The following ADGRL2 variants were observed in gnomAD, a reference collection of about 807,000 sequenced individuals.
ADGRL2 encodes the protein calcium-independent alpha-latrotoxin receptor 2.
In ADGRL2, 44 loss-of-function variants were observed where a neutral mutation model predicts 157.4. That is an observed-to-expected ratio of 0.28 (90% CI 0.22 to 0.36). ADGRL2 has a LOEUF of 0.36. Among genes scored for constraint, ADGRL2 ranks in the 10% least tolerant of loss-of-function variants. ADGRL2 has a pLI of 1.00. For missense variants in ADGRL2, 1,510 were observed against 1,768.9 expected (o/e 0.85, Z 2.63); for synonymous variants, 585 against 624.7 (o/e 0.94, Z 0.95).
At chr1:81,845,318 A>G (rs1410325765) in intron 2 of ADGRL2, among the ~76,000 whole-genome samples, 1 of 152,022 alleles carries the variant, frequency 6.6e-6, no homozygotes, top group Non-Finnish European at 1.5e-5. Flanking sequence ...TATCTATATA[A>G]TTATTTTTCC....
chr1:81,768,323 G>A (rs1279044349), intron 2 of ADGRL2, among the ~76,000 whole-genome samples: 2 of 152,074 alleles, frequency 1.3e-5, no homozygotes, highest in African/African-American at 2.4e-5. Flanking sequence ...TTATAGGTGT[G>A]AGCTACTGCA....
intron 3 of ADGRL2, among the ~76,000 whole-genome samples, chr1:81,630,749 G>A (rs2148753775): frequency 6.6e-6 from 1 of 152,222 alleles, no homozygotes; most frequent in Middle Eastern, 3.4e-3. Flanking sequence ...TAGGCTACAA[G>A]TTTAAAGTTT....
At chr1:81,814,271 G>A (rs1338792904) in intron 1 of ADGRL2, among the ~76,000 whole-genome samples, 1 of 151,506 alleles carries the variant, frequency 6.6e-6, no homozygotes, top group African/African-American at 2.4e-5. Flanking sequence ...GCATAGATGT[G>A]TATATATTAA....
chr1:81,561,174 T>C (rs2080431636), intron 2 of ADGRL2, among the ~76,000 whole-genome samples: 1 of 151,988 alleles, frequency 6.6e-6, no homozygotes, highest in Non-Finnish European at 1.5e-5. Context: ...ACTTGGCTCA[T>C]TTCACCTTCT....
intron 1 of ADGRL2, among the ~76,000 whole-genome samples, chr1:81,825,649 C>A (rs1266168168): frequency 8.4e-6 from 1 of 118,678 alleles, no homozygotes; most frequent in East Asian, 2.1e-4. Flanking sequence ...CTGGCCAGAC[C>A]CTGTCTCCAA....
chr1:81,505,175 T>G (rs1015584576), intron 2 of ADGRL2: 250 of 508,538 alleles, frequency 4.9e-4, no homozygotes, highest in African/African-American at 4.7e-3. Context: ...CTCTCAGCCC[T>G]CCACACACGC....
At chr1:81,390,568 C>T (rs1295982437) in intron 1 of ADGRL2, among the ~76,000 whole-genome samples, 2 of 152,306 alleles carry the variant, frequency 1.3e-5, no homozygotes, top group African/African-American at 2.4e-5. Context: ...ACAGTAAATG[C>T]CCTCCCTCCT....
At chr1:81,520,011 T>G (rs2079274760) in intron 2 of ADGRL2, among the ~76,000 whole-genome samples, 1 of 152,228 alleles carries the variant, frequency 6.6e-6, no homozygotes, top group Non-Finnish European at 1.5e-5. Context: ...TTTTTAATTT[T>G]CTTTTTTCCT....
At chr1:81,417,585 G>A (rs1206867484) in intron 1 of ADGRL2, among the ~76,000 whole-genome samples, 2 of 152,090 alleles carry the variant, frequency 1.3e-5, no homozygotes, top group Non-Finnish European at 2.9e-5. Context: ...CATAGGTGGT[G>A]AACACAGTGA....
At chr1:81,898,666 G>A (rs1033232843) in intron 2 of ADGRL2, among the ~76,000 whole-genome samples, 8 of 152,142 alleles carry the variant, frequency 5.3e-5, no homozygotes, top group Non-Finnish European at 1.0e-4. Flanking sequence ...TGCTTAGTTG[G>A]CTCCATGAAT....
At chr1:81,351,026 A>T (rs1570694141) in intron 1 of ADGRL2, among the ~76,000 whole-genome samples, 1 of 152,142 alleles carries the variant, frequency 6.6e-6, no homozygotes, top group South Asian at 2.1e-4. Flanking sequence ...TTCCCACCCC[A>T]CCAGATTATG....
intron 1 of ADGRL2, among the ~76,000 whole-genome samples, chr1:81,346,477 A>G (rs1307528372): frequency 1.3e-5 from 2 of 152,188 alleles, no homozygotes; most frequent in Non-Finnish European, 2.9e-5. Flanking sequence ...CAAAATTTAT[A>G]TATTGGAAGC....
intron 6 of ADGRL2, among the ~76,000 whole-genome samples, chr1:81,945,878 C>T (rs1215239004): frequency 6.6e-6 from 1 of 151,972 alleles, no homozygotes. Flanking sequence ...TTCTCTCTCT[C>T]TCTCTCTCTC....
At chr1:81,427,938 G>T (rs1217498078) in intron 1 of ADGRL2, among the ~76,000 whole-genome samples, 1 of 152,008 alleles carries the variant, frequency 6.6e-6, no homozygotes, top group Admixed American at 6.6e-5. Context: ...ATATTGCCCT[G>T]TAAATTGCGG....
chr1:81,888,596 G>T (rs575967892), intron 2 of ADGRL2, among the ~76,000 whole-genome samples: 3 of 151,956 alleles, frequency 2.0e-5, no homozygotes, highest in Non-Finnish European at 4.4e-5. Flanking sequence ...CCGCCACCGC[G>T]CCCGGCTAAT....
intron 1 of ADGRL2, chr1:81,427,428 GA>G: frequency 1.3e-6 from 1 of 750,482 alleles, no homozygotes; most frequent in South Asian, 1.4e-5. Context: ...TGCAATGGAG[GA>G]AATTTGGTGG....
At chr1:81,645,575 T>C (rs1458670310) in intron 3 of ADGRL2, among the ~76,000 whole-genome samples, 1 of 152,108 alleles carries the variant, frequency 6.6e-6, no homozygotes, top group East Asian at 1.9e-4. Context: ...TCCATGCATA[T>C]ATGAACATAT....
chr1:81,760,301 T>A (rs149587631), intron 1 of ADGRL2, among the ~76,000 whole-genome samples: 1 of 152,236 alleles, frequency 6.6e-6, no homozygotes, highest in African/African-American at 2.4e-5. Context: ...CTGAGGCAAC[T>A]GAATGTTGCC....
chr1:81,721,874 TAGTA>T (rs1341810696), intron 1 of ADGRL2: 52 of 761,620 alleles, frequency 6.8e-5, no homozygotes, highest in Non-Finnish European at 9.5e-5. Context: ...AAAAACCTGA[TAGTA>T]AGAAGGTGGA....
Sources: allele counts gnomAD v4.1 joint callset (sites outside exome capture counted in the v4.1 genomes callset), GRCh38; gene constraint gnomAD v4.1.1; transcripts MANE v1.5; gene names NCBI Gene and HGNC (gene_info 2026-07-23, HGNC 2026-07-21).